The following XRN1 variants were observed in gnomAD, a reference collection of about 807,000 sequenced individuals.
XRN1 encodes strand-exchange protein 1 homolog.
A neutral mutation model predicts 222.3 loss-of-function variants in XRN1; 67 were observed. The observed-to-expected ratio is 0.30, with a 90% CI of 0.25 to 0.37. The LOEUF is 0.37. Among genes scored for constraint, XRN1 ranks in the 10% least tolerant of loss-of-function variants. XRN1 has a pLI of 1.00. For missense variants in XRN1, 1,707 were observed against 2,000.2 expected (o/e 0.85, Z 2.80); for synonymous variants, 643 against 652.4 (o/e 0.99, Z 0.22).
At chr3:142,388,164 C>CA (rs1559840135) in intron 20 of XRN1, among the ~76,000 whole-genome samples, 1 of 152,150 alleles carries the variant, frequency 6.6e-6, no homozygotes, top group Non-Finnish European at 1.5e-5. Context: ...GATTTTCCTC[C>CA]TCCTCTAACA....
chr3:142,400,489 TG>T lies in XRN1; in HGVS notation c.2161del (p.His721ThrfsTer62). On this transcript the variant is annotated frameshift_variant, in exon 19 of 41. Transcript: ENST00000392981. LOFTEE classifies it high-confidence loss of function. ...AGCCACGACTCTAGCTTCCTCAAGG[TG>T]AGGCCAATTAACAAAGACAGATTTT... The part of the protein sequence containing the change: ...LGKSVFVNWP[H>X]LEEARVVAVS... 1 of 1,612,264 alleles carries T rather than the reference TG, an allele frequency of 6.2e-7. No homozygotes were observed. Among genetic ancestry groups the T allele is most frequent in the Non-Finnish European group, 8.5e-7 (1 of 1,179,040 alleles).
rs77475216 is a variant in XRN1 at position 142,406,680 on chromosome 3, C to T, written c.1714-1604G>A. ...TAGCTGGGAATACAGGTATACACCA[C>T]AACATCCAGTTCATTTTTTTTTTTT... On this transcript the variant is annotated intron_variant, in intron 15 of 40. Transcript: ENST00000392981. 6.7e-3 allele frequency among the ~76,000 whole-genome samples: 1,024 copies of T among 152,040 alleles called. 15 individuals carry two copies. The highest frequency in any genetic ancestry group is 0.023 in the African/African-American group (968 of 41,434).
chr3:142,318,420 A>T (rs537593677), intron 39 of XRN1, among the ~76,000 whole-genome samples, 172 bp downstream of exon 39: 1 of 152,214 alleles, frequency 6.6e-6, no homozygotes, highest in African/African-American at 2.4e-5. Context: ...GCCATACTAG[A>T]GGCTGTAGGA....
chr3:142,377,571 A>G (rs947070653), intron 23 of XRN1, among the ~76,000 whole-genome samples: 1 of 152,196 alleles, frequency 6.6e-6, no homozygotes, highest in African/African-American at 2.4e-5. Flanking sequence ...TATACAAAAC[A>G]GTTTTATTTA....
intron 4 of XRN1, 47 bp downstream of exon 4, chr3:142,425,382 A>G (rs2069202340): frequency 1.9e-6 from 3 of 1,580,522 alleles, no homozygotes; most frequent in African/African-American, 2.8e-5. Context: ...ATGCTTGAGA[A>G]TATTAAATAC....
chr3:142,379,353 A>T (rs567107869), intron 23 of XRN1, among the ~76,000 whole-genome samples: 2 of 152,210 alleles, frequency 1.3e-5, no homozygotes, highest in Non-Finnish European at 2.9e-5. Context: ...CACCCAGGCA[A>T]ACTATCAATC....
rs766749299 is a variant in XRN1, at chr3:142,422,607, A to G, written c.942T>C (p.Tyr314=). 6.2e-7 allele frequency: 1 copy of G among 1,613,722 alleles called. No individual in the cohort carries two copies. Among genetic ancestry groups the G allele is most frequent in the Admixed American group, 1.7e-5 (1 of 59,980 alleles). Residue 314 remains tyrosine, a synonymous_variant, in exon 8 of 41, where the codon TAT becomes TAC. Coordinates refer to ENST00000392981, the MANE Select transcript of XRN1 (RefSeq NM_001282857.2). ...CCCCAAGTTCTGGCAGGATGGTAAC[A>G]TATGTTCCATAAAGAAGAGGCAGTG... ...HDALPLLYGT[Y]VTILPELGGY...
intron 27 of XRN1, among the ~76,000 whole-genome samples, chr3:142,368,576 T>G (rs1015648879): frequency 1.2e-4 from 19 of 152,258 alleles, no homozygotes; most frequent in African/African-American, 4.3e-4. Flanking sequence ...CCAAATGGGT[T>G]AAAATTGGGG....
At chr3:142,353,577 T>C (rs1017858617) in intron 32 of XRN1, among the ~76,000 whole-genome samples, 2 of 152,086 alleles carry the variant, frequency 1.3e-5, no homozygotes, top group African/African-American at 2.4e-5. Flanking sequence ...AAACAAGCAA[T>C]GGGGTGAGGA....
chr3:142,394,633 T>G (rs2067861965), intron 20 of XRN1, among the ~76,000 whole-genome samples: 1 of 152,238 alleles, frequency 6.6e-6, no homozygotes, highest in Admixed American at 6.5e-5. Flanking sequence ...TATATTTGCT[T>G]CCCATACTGT....
intron 28 of XRN1, 27 bp from the exon 29 acceptor site, chr3:142,365,206 A>C: frequency 6.3e-7 from 1 of 1,584,904 alleles, no homozygotes; most frequent in Non-Finnish European, 8.5e-7. Context: ...TATTAATTAT[A>C]ATAAACAAAA....
intron 29 of XRN1, among the ~76,000 whole-genome samples, chr3:142,363,315 T>C (rs984312573): frequency 1.1e-4 from 17 of 152,150 alleles, no homozygotes; most frequent in South Asian, 2.1e-4. Context: ...GTCCTCAATA[T>C]ATACAGCACG....
At chr3:142,375,419 T>C (rs1158516816) in intron 25 of XRN1, among the ~76,000 whole-genome samples, 2 of 152,196 alleles carry the variant, frequency 1.3e-5, no homozygotes, top group Admixed American at 6.5e-5. Flanking sequence ...AATTCTAAGA[T>C]AGTAACCTGT....
chr3:142,447,634 A>G lies in XRN1; in HGVS notation c.75+236T>C, dbSNP rs1470787077. On this transcript the variant is annotated intron_variant, in intron 1 of 40. Coordinates refer to ENST00000392981, the MANE Select transcript of XRN1 (RefSeq NM_001282857.2). This position sits in a 1 kb window ranked among gnomAD's most constrained non-coding sequence, Gnocchi z 4.2. ...AGTCGCGGAAGGACCAGCAGAAGCA[A>G]GAGCTGTCAGAGAAGCCGTGAACCC... Among the ~76,000 whole-genome samples, 3 of 152,200 alleles carry G rather than the reference A, an allele frequency of 2.0e-5. No individual in the cohort carries two copies. The highest frequency in any genetic ancestry group is 7.2e-5 in the African/African-American group (3 of 41,456).
chr3:142,336,231 A>C (rs1171562946), intron 33 of XRN1, among the ~76,000 whole-genome samples: 1 of 152,178 alleles, frequency 6.6e-6, no homozygotes, highest in Non-Finnish European at 1.5e-5. Context: ...TGAAGATGAA[A>C]AATATGAGGG....
intron 20 of XRN1, among the ~76,000 whole-genome samples, chr3:142,396,200 A>G (rs1000243839): frequency 6.6e-6 from 1 of 152,228 alleles, no homozygotes; most frequent in Non-Finnish European, 1.5e-5. Context: ...TCAATGTTAC[A>G]TATATAAACA....
At chr3:142,434,017 G>C (rs2108172930) in intron 1 of XRN1, among the ~76,000 whole-genome samples, 1 of 152,338 alleles carries the variant, frequency 6.6e-6, no homozygotes, top group African/African-American at 2.4e-5. Context: ...CTTACTGACA[G>C]GCTGAACTGA....
intron 18 of XRN1, among the ~76,000 whole-genome samples, chr3:142,402,101 A>G (rs2068160107): frequency 6.6e-6 from 1 of 152,134 alleles, no homozygotes; most frequent in Non-Finnish European, 1.5e-5. Flanking sequence ...AAAGTCATCA[A>G]TTCTCTGTTG....
At chr3:142,440,221 G>C (rs1401209007) in intron 1 of XRN1, among the ~76,000 whole-genome samples, 1 of 152,088 alleles carries the variant, frequency 6.6e-6, no homozygotes, top group Non-Finnish European at 1.5e-5. Flanking sequence ...GGGGTCCTAG[G>C]ACAGCCAGTC....
Sources: gnomAD v4.1 joint callset for allele counts (sites outside exome capture counted in the v4.1 genomes callset) on GRCh38, gnomAD v4.1.1 for gene constraint, Gnocchi (gnomAD v3.1) non-coding constraint, MANE v1.5 for transcripts, NCBI Gene and HGNC (gene_info 2026-07-23, HGNC 2026-07-21) for gene names.